The following ADCY3 variants were observed in gnomAD, a reference collection of about 807,000 sequenced individuals.
ADCY3 encodes the protein adenylate cyclase 3.
In ADCY3, 70 loss-of-function variants were observed where a neutral mutation model predicts 119.4. The observed-to-expected ratio is 0.59, with a 90% CI of 0.48 to 0.72. The LOEUF (loss-of-function observed/expected upper bound fraction) is 0.72, where lower values mean the gene tolerates loss of function less well. Among genes scored for constraint, ADCY3 ranks in the 30% least tolerant of loss-of-function variants. The probability of loss-of-function intolerance (pLI) is 0.00; values close to 1 mark genes in which losing one functional copy is unlikely to be tolerated. For synonymous variants in ADCY3, 672 were observed against 621.4 expected (o/e 1.08, Z -1.21); for missense variants, 1,238 against 1,541.6 (o/e 0.80, Z 3.30).
chr2:24,918,777 T>C lies in ADCY3; in HGVS notation c.211A>G (p.Lys71Glu), dbSNP rs532871045. Reference protein sequence around the residue: ...SLENLYQTYFKRQRHETLLVL... With the variant: ...SLENLYQTYFERQRHETLLVL... Reference sequence around the variant, plus strand: ...AGCAGGGTCTCGTGGCGCTGCCTTTTGAAGTAGGTCTGGTAGAGGTTCTCC... The same window carrying C: ...AGCAGGGTCTCGTGGCGCTGCCTTTCGAAGTAGGTCTGGTAGAGGTTCTCC... The change falls in exon 2 of 22, where the codon AAA (lysine) becomes GAA (glutamate). Residue 71 changes from lysine to glutamate, a missense_variant. By Grantham distance (56) the Lys-to-Glu change is moderately conservative. This residue lies in a region of ADCY3 where 227 missense variants were observed against 249.3 expected (regional missense o/e 0.91). Transcript: ENST00000679454. The surrounding 1 kb of genome is among the most constrained non-coding windows in gnomAD (Gnocchi z 5.4). 4.6e-5 allele frequency: 75 copies of C among 1,613,880 alleles called. 1 individual carries two copies. In the Admixed American group the frequency reaches 1.2e-3, roughly 27 times the overall value.
At chr2:24,837,487 G>C (rs1264992847) in intron 8 of ADCY3, among the ~76,000 whole-genome samples, 1 of 152,180 alleles carries the variant, frequency 6.6e-6, no homozygotes, top group Admixed American at 6.5e-5. Flanking sequence ...TCAGCGGGGA[G>C]TATCAGCCTT....
chr2:24,898,265 G>C lies in ADCY3; in HGVS notation c.675+20048C>G, dbSNP rs1417684774. ...TTTTCTCTCCACTCTCCCAGTTCGT[G>C]CGCCACAGAGGCCCCCGGGGAGGCT... On this transcript the variant is annotated intron_variant, in intron 2 of 21. Coordinates refer to ENST00000679454, the MANE Select transcript of ADCY3 (RefSeq NM_004036.5). The surrounding 1 kb of genome is among the most constrained non-coding windows in gnomAD (Gnocchi z 4.3). 6.6e-6 allele frequency among the ~76,000 whole-genome samples: 1 copy of C among 152,020 alleles called. No individual in the cohort carries two copies. Among genetic ancestry groups the C allele is most frequent in the Admixed American group, 6.6e-5 (1 of 15,264 alleles).
intron 3 of ADCY3, among the ~76,000 whole-genome samples, chr2:24,863,989 T>C (rs1968482): frequency 0.33 from 49,462 of 152,148 alleles, 8,197 homozygotes; most frequent in South Asian, 0.4. Context: ...TATAAATTGT[T>C]TGAAGCTCTA....
At chr2:24,854,975 G>A (rs780556109) in intron 3 of ADCY3, among the ~76,000 whole-genome samples, 9 of 152,138 alleles carry the variant, frequency 5.9e-5, no homozygotes, top group Admixed American at 1.3e-4. Context: ...GCTTGAACCC[G>A]GGAGAGAGAG....
At chr2:24,897,017 A>G (rs906871215) in intron 2 of ADCY3, among the ~76,000 whole-genome samples, 25 of 152,138 alleles carry the variant, frequency 1.6e-4, no homozygotes, top group Non-Finnish European at 3.1e-4. Context: ...AGTTGTTTAC[A>G]GTGGGAGAAT....
At chr2:24,913,481 T>C (rs1380914126) in intron 2 of ADCY3, among the ~76,000 whole-genome samples, 1 of 152,116 alleles carries the variant, frequency 6.6e-6, no homozygotes, top group Non-Finnish European at 1.5e-5. Flanking sequence ...AAAGAGAGGC[T>C]TTCAGGGAAG....
In ADCY3 at chr2:24,872,661, T is replaced by C. The variant is rs1172190990; in HGVS notation, c.734A>G (p.Tyr245Cys). The change falls in exon 3 of 22, where the codon TAC becomes TGC. Residue 245 changes from tyrosine to cysteine, a missense_variant. Physicochemically the swap from Tyr to Cys is radical, Grantham distance 194 (BLOSUM62 -2). Coordinates refer to ENST00000679454, the MANE Select transcript of ADCY3 (RefSeq NM_004036.5). The surrounding 1 kb of genome is among the most constrained non-coding windows in gnomAD (Gnocchi z 4.4). ...CAIAVGIMSYYMADRKHRKAF... is the reference protein window; with the variant it reads ...CAIAVGIMSYCMADRKHRKAF... The stretch of plus-strand genomic sequence containing the variant: ...CTTGCGGTGCTTGCGGTCAGCCATG[T>C]AGTAGGACATGATGCCCACAGCGAT... 1 of 1,614,060 alleles carries C rather than the reference T, an allele frequency of 6.2e-7. No individual in the cohort carries two copies. The highest frequency in any genetic ancestry group is 2.2e-5 in the East Asian group (1 of 44,890).
Position 24,828,087 on chromosome 2 carries a change from C to T in ADCY3, c.2247G>A (p.Glu749=), listed in dbSNP as rs1668878732. 6.2e-7 allele frequency: 1 copy of T among 1,614,200 alleles called. No homozygotes were observed. Residue 749 remains glutamate (E), a synonymous_variant, in exon 14 of 22, where the codon GAG becomes GAA. Transcript: ENST00000679454. ...AGMETEGSCL[E]NPKYYNYVAV... is the part of the protein sequence containing the mutation. ...CCACATAGTTGTAATACTTGGGGTT[C>T]TCCAGGCAGCTGCCCTCCGTTTCCA... is the stretch of plus-strand genomic sequence containing the variant.
chr2:24,911,637 CAAAAAAA>C (rs60134317), intron 2 of ADCY3, among the ~76,000 whole-genome samples: 7 of 106,098 alleles, frequency 6.6e-5, no homozygotes, highest in African/African-American at 1.3e-4. Flanking sequence ...GAGACAGACT[CAAAAAAA>C]AAAAAAAAAA....
At chr2:24,911,648 A>C (rs931598776) in intron 2 of ADCY3, among the ~76,000 whole-genome samples, 2 of 77,112 alleles carry the variant, frequency 2.6e-5, no homozygotes, top group African/African-American at 1.8e-4. Context: ...AAAAAAAAAA[A>C]AAAAAAAAAA....
intron 2 of ADCY3, among the ~76,000 whole-genome samples, chr2:24,881,691 T>G (rs184650350): frequency 7.7e-4 from 118 of 152,268 alleles, no homozygotes; most frequent in Admixed American, 3.5e-3. Context: ...AAAAAGAAGC[T>G]GAAAGAACAG....
chr2:24,912,624 T>C (rs890498437), intron 2 of ADCY3, among the ~76,000 whole-genome samples: 11 of 149,662 alleles, frequency 7.3e-5, no homozygotes, highest in Non-Finnish European at 1.3e-4. Context: ...TGTGTGTGTG[T>C]GCCTGCATGT....
Position 24,824,465 on chromosome 2 carries a change from C to T in ADCY3, c.2649G>A (p.Glu883=), listed in dbSNP as rs748494944. The part of the protein sequence containing the change: ...EVHDQKERVY[E]MRRWNEALVT... ...CCAAGGCCTCGTTCCAGCGTCGCAT[C>T]TCATAGACACGTTCCTTCTGGTCGT... The change falls in exon 17 of 22, where the codon GAG becomes GAA. Residue 883 remains glutamate, a synonymous_variant. Transcript: ENST00000679454. The T allele has an allele frequency of 6.2e-7, 1 of 1,614,260 alleles. No homozygotes were observed. The highest frequency in any genetic ancestry group is 1.1e-5 in the South Asian group (1 of 91,090).
chr2:24,891,870 A>G (rs1343839726), intron 2 of ADCY3, among the ~76,000 whole-genome samples: 3 of 152,232 alleles, frequency 2.0e-5, no homozygotes. Context: ...TGCCTAATTT[A>G]TAAGTTAAAC....
chr2:24,884,386 C>T (rs907995181), intron 2 of ADCY3, among the ~76,000 whole-genome samples: 1 of 152,022 alleles, frequency 6.6e-6, no homozygotes, highest in African/African-American at 2.4e-5. Context: ...TTAAACCAAA[C>T]TCTCATGCTG....
rs1358420011 is a variant in ADCY3 at position 24,827,542 on chromosome 2, T to C, written c.2495+4A>G. On this transcript the variant is annotated splice_donor_region_variant and intron_variant, in intron 15 of 21. Transcript: ENST00000679454. ...AGGCCAGGAGGGGAAGCCGTGGCCCTTACCTGTCAGTGCCATTGAGCCCAG... is the reference window on the plus strand; with the variant it reads ...AGGCCAGGAGGGGAAGCCGTGGCCCCTACCTGTCAGTGCCATTGAGCCCAG... 1 of 1,582,732 alleles carries C rather than the reference T, an allele frequency of 6.3e-7. No homozygotes were observed. The highest frequency in any genetic ancestry group is 1.7e-4 in the Middle Eastern group (1 of 6,030).
rs753447556 is a variant in ADCY3, at chr2:24,842,390, A to AG, written c.826-7dup. 1.7e-5 allele frequency: 28 copies of AG among 1,613,900 alleles called. No homozygotes were observed. Among genetic ancestry groups the AG allele is most frequent in the Non-Finnish European group, 2.1e-5 (25 of 1,179,996 alleles). On this transcript the variant is annotated splice_region_variant and splice_polypyrimidine_tract_variant and intron_variant, in intron 3 of 21. Coordinates refer to ENST00000679454, the MANE Select transcript of ADCY3 (RefSeq NM_004036.5). The surrounding 1 kb of genome is among the most constrained non-coding windows in gnomAD (Gnocchi z 4.9). ...ATGGAAAGCATGAGGTTCTCCTGTG[A>AG]GGGGCAGGAGAGGGTCAGAGGCAAA...
rs1669385415 is a variant in ADCY3, at chr2:24,830,806, A to G, written c.2075T>C (p.Val692Ala). 1.2e-6 allele frequency: 2 copies of G among 1,614,038 alleles called. No homozygotes were observed. The highest frequency in any genetic ancestry group is 1.7e-6 in the Non-Finnish European group (2 of 1,179,976). ...IFPRAFPKKL[V>A]AFSTWIDRTR... ...CCGGTCAATCCAAGTTGAGAAGGCCACAAGCTTCTTAGGAAAGGCCTAGAA... is the reference window on the plus strand; with the variant it reads ...CCGGTCAATCCAAGTTGAGAAGGCCGCAAGCTTCTTAGGAAAGGCCTAGAA... Residue 692 changes from valine (V) to alanine (A), a missense_variant, in exon 13 of 22, where the codon GTG becomes GCG. By Grantham distance (64) the Val-to-Ala change is moderately conservative. This residue lies in a region of ADCY3 where 499 missense variants were observed against 571.0 expected (regional missense o/e 0.87). Transcript: ENST00000679454.
At position 24,859,270 on chromosome 2, in the gene ADCY3, C is replaced by T. The variant is rs537408102; in HGVS notation, c.825+13300G>A. ...ATGCCATGATGCAGCCACGGTGCAA[C>T]GAGCAAGACGCAGAGCAGCTATGGA... On this transcript the variant is annotated intron_variant, in intron 3 of 21. Coordinates refer to ENST00000679454, the MANE Select transcript of ADCY3 (RefSeq NM_004036.5). 5.3e-5 allele frequency among the ~76,000 whole-genome samples: 8 copies of T among 152,274 alleles called. No individual in the cohort carries two copies. In the East Asian group the frequency reaches 7.7e-4, roughly 15 times the overall value.
Sources: allele counts gnomAD v4.1 joint callset (sites outside exome capture counted in the v4.1 genomes callset), GRCh38; gene constraint gnomAD v4.1.1; regional missense constraint gnomAD v4.1.1; non-coding constraint Gnocchi (gnomAD v3.1); transcripts MANE v1.5; gene names NCBI Gene and HGNC (gene_info 2026-07-23, HGNC 2026-07-21).